The following SGK1 variants were observed in gnomAD, a reference collection of about 807,000 sequenced individuals.
SGK1 encodes serum/glucocorticoid regulated kinase 1, also known as serine/threonine-protein kinase Sgk1.
Under a neutral mutation model 64.2 loss-of-function variants are expected in SGK1, and 26 were observed. The ratio of observed to expected loss-of-function variants is 0.40; its 90% CI spans 0.30 to 0.56. The LOEUF (loss-of-function observed/expected upper bound fraction) is 0.56, where lower values mean the gene tolerates loss of function less well. Among genes scored for constraint, SGK1 ranks in the 20% least tolerant of loss-of-function variants. The pLI is 0.38. For missense variants in SGK1, 519 were observed against 645.6 expected, an observed-to-expected ratio of 0.80 and a Z score of 2.12; for synonymous variants, 265 against 239.7, an observed-to-expected ratio of 1.11 and a Z score of -0.98.
chr6:134,260,972 A>G (rs1056935655), intron 2 of SGK1: 1 of 152,226 alleles, frequency 6.6e-6, no homozygotes, highest in African/African-American at 2.4e-5. Context: ...TAAAAATAAT[A>G]TAAGCATTTT....
intron 2 of SGK1, among the ~76,000 whole-genome samples, chr6:134,254,964 G>A (rs1167509859): frequency 6.6e-6 from 1 of 152,078 alleles, no homozygotes; most frequent in African/African-American, 2.4e-5. Context: ...CGCCTCCCGG[G>A]TTCAAGCAAT....
chr6:134,239,227 C>T (rs1375914761), intron 2 of SGK1, among the ~76,000 whole-genome samples: 1 of 152,180 alleles, frequency 6.6e-6, no homozygotes. Flanking sequence ...CAGAAAGAAC[C>T]TCATTGTGCT....
chr6:134,189,050 AT>A (rs995606900), intron 3 of SGK1, among the ~76,000 whole-genome samples: 9 of 150,126 alleles, frequency 6.0e-5, no homozygotes, highest in Non-Finnish European at 1.0e-4. Flanking sequence ...AACCCAGACA[AT>A]TTTTTTTTAC....
intron 2 of SGK1, among the ~76,000 whole-genome samples, chr6:134,218,217 T>A (rs934019498): frequency 6.6e-6 from 1 of 152,194 alleles, no homozygotes; most frequent in African/African-American, 2.4e-5. Context: ...CTGGAGTCCA[T>A]GTCTTGAGTT....
At chr6:134,291,406 A>G (rs911699408) in intron 1 of SGK1, among the ~76,000 whole-genome samples, 3 of 152,240 alleles carry the variant, frequency 2.0e-5, no homozygotes, top group South Asian at 2.1e-4. Flanking sequence ...CTAAGTTGTT[A>G]TCTGACCTTA....
In SGK1 at chr6:134,174,079, G is replaced by C. The variant is rs748176347; in HGVS notation, c.439C>G (p.Pro147Ala). Residue 147 changes from proline to alanine, a missense_variant and splice_region_variant, in exon 5 of 14, where the codon CCT (proline) becomes GCT (alanine). Physicochemically the swap from Pro to Ala is conservative, Grantham distance 27 (BLOSUM62 -1). Coordinates refer to ENST00000367858, the MANE Select transcript of SGK1 (RefSeq NM_001143676.3). Reference sequence around the variant, plus strand: ...ATCTTCAAGATGGACTGAACTTCAGGGCTGCAGGGAATAAAGGGCACGATT... The same window carrying C: ...ATCTTCAAGATGGACTGAACTTCAGCGCTGCAGGGAATAAAGGGCACGATT... ...IANNSYACKH[P>A]EVQSILKISQ... The C allele has an allele frequency of 4.3e-6, 7 of 1,612,388 alleles. No individual in the cohort carries two copies. In the South Asian group the frequency reaches 4.4e-5, roughly 10 times the overall value.
chr6:134,231,510 T>C (rs937030348), intron 2 of SGK1, among the ~76,000 whole-genome samples: 1 of 152,236 alleles, frequency 6.6e-6, no homozygotes, highest in African/African-American at 2.4e-5. Context: ...GTATTTTCAT[T>C]TTTAAAACAT....
At chr6:134,192,697 G>A (rs1775534902) in intron 3 of SGK1, among the ~76,000 whole-genome samples, 1 of 151,194 alleles carries the variant, frequency 6.6e-6, no homozygotes, top group Admixed American at 6.6e-5. Context: ...AGCCTCCCGA[G>A]TAGCTGGGAT....
intron 3 of SGK1, among the ~76,000 whole-genome samples, chr6:134,179,756 A>G (rs918917339): frequency 6.6e-6 from 1 of 152,182 alleles, no homozygotes; most frequent in Non-Finnish European, 1.5e-5. Flanking sequence ...TATTTCATTT[A>G]TCGCAGGGTT....
chr6:134,236,364 A>G (rs1776364784), intron 2 of SGK1, among the ~76,000 whole-genome samples: 1 of 152,132 alleles, frequency 6.6e-6, no homozygotes. Context: ...AGGCTGGTAG[A>G]TCACGCCTGT....
intron 1 of SGK1, among the ~76,000 whole-genome samples, chr6:134,303,840 T>G (rs1271407520): frequency 6.6e-6 from 1 of 152,188 alleles, no homozygotes; most frequent in Admixed American, 6.5e-5. Context: ...CAGTTTCTCT[T>G]TGCCACTCTT....
Position 134,173,948 on chromosome 6 carries a change from A to T in SGK1, c.513+57T>A, listed in dbSNP as rs1333940339. 2.5e-6 allele frequency: 3 copies of T among 1,184,242 alleles called. No homozygotes were observed. In the African/African-American group the frequency reaches 4.6e-5, roughly 18 times the overall value. The allele number at this position is 1,184,242 out of a possible 1,614,324, so 73.4% of individuals were successfully genotyped here. A position where few individuals can be genotyped will look rare whatever the true frequency, so the allele number is the denominator to read the frequency against. On this transcript the variant is annotated intron_variant, in intron 5 of 13. Coordinates refer to ENST00000367858, the MANE Select transcript of SGK1 (RefSeq NM_001143676.3). ...GCTATTTTAATCCATTAATGTAGGAATACTAACTGACTCCCTTACAGTTCT... is the reference window on the plus strand; with the variant it reads ...GCTATTTTAATCCATTAATGTAGGATTACTAACTGACTCCCTTACAGTTCT...
intron 2 of SGK1, among the ~76,000 whole-genome samples, chr6:134,220,058 C>CAAAAAAAAAAAAAAAAAAAAAA (rs55870107): frequency 6.5e-5 from 4 of 61,350 alleles, no homozygotes; most frequent in African/African-American, 1.1e-4. Context: ...GACTCCGTCT[C>CAAAAAAAAAAAAAAAAAAAAAA]AAAAAAAAAA....
At chr6:134,304,307 G>T (rs1010704880) in intron 1 of SGK1, among the ~76,000 whole-genome samples, 1 of 152,208 alleles carries the variant, frequency 6.6e-6, no homozygotes, top group Non-Finnish European at 1.5e-5. Context: ...ATTCTGGGTA[G>T]TTTGCTTTGC....
intron 3 of SGK1, among the ~76,000 whole-genome samples, chr6:134,186,812 GTTTT>G (rs1159964703): frequency 6.8e-6 from 1 of 146,240 alleles, no homozygotes; most frequent in African/African-American, 2.5e-5. Flanking sequence ...ACACTTCTGG[GTTTT>G]TTTTTTGGTT....
At chr6:134,261,825 A>G in intron 2 of SGK1, 108 bp downstream of exon 2, 1 of 783,828 alleles carries the variant, frequency 1.3e-6, no homozygotes, top group Non-Finnish European at 2.3e-6. Context: ...AAGCTTTATA[A>G]ATATGCATTA....
intron 3 of SGK1, among the ~76,000 whole-genome samples, chr6:134,197,842 A>ATAAAATAAAATAAAATTAAAT (rs1775618027): frequency 1.4e-5 from 2 of 143,676 alleles, no homozygotes; most frequent in Admixed American, 6.9e-5. Context: ...ATAAAATAAA[A>ATAAAATAAAATAAAATTAAAT]TAAAATAAAA....
chr6:134,187,263 T>G (rs143950885), intron 3 of SGK1, among the ~76,000 whole-genome samples: 10 of 152,340 alleles, frequency 6.6e-5, no homozygotes, highest in African/African-American at 2.4e-4. Context: ...GTGGTAGTCT[T>G]AACTTCCAGT....
At position 134,318,106 on chromosome 6, in the gene SGK1, A is replaced by G. The variant is rs1195096288; in HGVS notation, c.-646T>C. 6.6e-6 allele frequency: 1 copy of G among 151,674 alleles called. No homozygotes were observed. The highest frequency in any genetic ancestry group is 1.5e-5 in the Non-Finnish European group (1 of 68,014). The allele number at this position is 151,674 out of a possible 1,614,324, so 9.4% of individuals were successfully genotyped here. ...ACAGCCGGCTCAGGGCACACTGAAG[A>G]GCAGTTGACTCCCCTTGGGAGGGTT... On this transcript the variant is annotated 5_prime_UTR_variant, in exon 1 of 14. Coordinates refer to ENST00000367858, the MANE Select transcript of SGK1 (RefSeq NM_001143676.3).
Sources: allele counts gnomAD v4.1 joint callset (sites outside exome capture counted in the v4.1 genomes callset), GRCh38; gene constraint gnomAD v4.1.1; transcripts MANE v1.5; gene names NCBI Gene and HGNC (gene_info 2026-07-23, HGNC 2026-07-21).